THSD7A: variants seen among roughly 807,000 people sequenced by gnomAD.
THSD7A encodes thrombospondin type-1 domain-containing protein 7A.
THSD7A carries 96 observed loss-of-function variants against 231.3 expected under a neutral mutation model. That is an observed-to-expected ratio of 0.41 (90% CI 0.35 to 0.49). THSD7A has a LOEUF of 0.49. Ranked by LOEUF, THSD7A falls within the 20% of genes least tolerant of loss-of-function variation. The pLI is 0.05. For missense variants in THSD7A, 2,290 were observed against 2,070.2 expected (o/e 1.11, Z -2.06); for synonymous variants, 940 against 743.3 (o/e 1.26, Z -4.30).
chr7:11,600,705 T>C (rs943917670), intron 2 of THSD7A, among the ~76,000 whole-genome samples: 2 of 152,224 alleles, frequency 1.3e-5, no homozygotes, highest in Non-Finnish European at 2.9e-5. Context: ...AATGCACTGA[T>C]TCTTCTGCCT....
rs1405727947 is a variant in THSD7A, at chr7:11,373,654, A to G, written c.*2140T>C. On this transcript the variant is annotated 3_prime_UTR_variant, in exon 28 of 28. Coordinates refer to ENST00000423059, the MANE Select transcript of THSD7A (RefSeq NM_015204.3). ...GCATTTAGTTCTTATTGAAATACATACAAATATTTTCATTTTGGGGACAAT... is the reference window on the plus strand; with the variant it reads ...GCATTTAGTTCTTATTGAAATACATGCAAATATTTTCATTTTGGGGACAAT... 6.6e-6 allele frequency: 1 copy of G among 152,062 alleles called. No homozygotes were observed. The highest frequency in any genetic ancestry group is 1.5e-5 in the Non-Finnish European group (1 of 67,986). 9.4% of individuals were successfully genotyped at this position (152,062 alleles called of 1,614,324 possible). A position where few individuals can be genotyped will look rare whatever the true frequency, so the allele number is the denominator to read the frequency against.
At chr7:11,400,133 G>A (rs973974749) in intron 23 of THSD7A, among the ~76,000 whole-genome samples, 2 of 143,868 alleles carry the variant, frequency 1.4e-5, no homozygotes, top group African/African-American at 5.1e-5. Context: ...GACACAGGAA[G>A]GGGAACATCA....
chr7:11,478,333 C>A (rs545508116), intron 7 of THSD7A, among the ~76,000 whole-genome samples: 1 of 152,280 alleles, frequency 6.6e-6, no homozygotes, highest in Non-Finnish European at 1.5e-5. Context: ...TGTAGAGTCA[C>A]TCTTCTATCC....
rs553030554 is a variant in THSD7A, at chr7:11,677,584, C to CAAAAA, written c.191-40628_191-40624dup. On this transcript the variant is annotated intron_variant, in intron 1 of 27. Transcript: ENST00000423059. ...GAAGATTGACCAAGCAAATGGAAAGCAAAAAAAAAAAAAAAAAAAAAAAAA... is the reference window on the plus strand; with the variant it reads ...GAAGATTGACCAAGCAAATGGAAAGCAAAAAAAAAAAAAAAAAAAAAAAAAAAAAA... Among the ~76,000 whole-genome samples the CAAAAA allele has an allele frequency of 3.5e-3, 79 of 22,276 alleles. 8 individuals carry two copies. Among genetic ancestry groups the CAAAAA allele is most frequent in the East Asian group, 0.016 (5 of 316 alleles). 14.6% of individuals were successfully genotyped at this position (22,276 alleles called of 152,430 possible).
intron 1 of THSD7A, among the ~76,000 whole-genome samples, chr7:11,640,515 T>C (rs1346359561): frequency 2.6e-5 from 4 of 152,150 alleles, no homozygotes; most frequent in South Asian, 2.1e-4. Flanking sequence ...AGTGTAACCT[T>C]GAGAACCTCT....
rs894742669 is a variant in THSD7A at position 11,808,051 on chromosome 7, A to T, written c.190+23706T>A. On this transcript the variant is annotated intron_variant, in intron 1 of 27. Transcript: ENST00000423059. ...CAGAGGGCCTCTCACTGCACCACCC[A>T]TCTATACATTTTTCCATACACAACT... 2.0e-5 allele frequency among the ~76,000 whole-genome samples: 3 copies of T among 151,952 alleles called. 1 individual carries two copies. Among genetic ancestry groups the T allele is most frequent in the Admixed American group, 2.0e-4 (3 of 15,236 alleles).
intron 4 of THSD7A, among the ~76,000 whole-genome samples, chr7:11,567,917 C>T (rs1269971107): frequency 1.3e-5 from 2 of 152,108 alleles, no homozygotes; most frequent in Non-Finnish European, 2.9e-5. Context: ...TTTAAACTAT[C>T]TCACCTAATT....
intron 6 of THSD7A, among the ~76,000 whole-genome samples, chr7:11,483,236 A>C (rs1325931407): frequency 6.6e-6 from 1 of 152,196 alleles, no homozygotes; most frequent in African/African-American, 2.4e-5. Context: ...ATATGCTTTA[A>C]AAACAAGACA....
Position 11,541,421 on chromosome 7 carries a change from T to A in THSD7A, c.1820A>T (p.Asp607Val). Residue 607 changes from aspartate to valine, a missense_variant and splice_region_variant, in exon 6 of 28, where the codon GAT becomes GTT. Transcript: ENST00000423059. The stretch of plus-strand genomic sequence containing the variant: ...CATAATAGATACGTCTGTCTTACCA[T>A]CACTGTTGATGCACACAACCTCTTG... ...QVQEVVCINSDGEEVDRQLCR... is the reference protein window; with the variant it reads ...QVQEVVCINSVGEEVDRQLCR... 1.9e-6 allele frequency: 3 copies of A among 1,613,912 alleles called. No individual in the cohort carries two copies. The highest frequency in any genetic ancestry group is 2.5e-6 in the Non-Finnish European group (3 of 1,179,840).
At chr7:11,376,399 C>T (rs978868669) in intron 27 of THSD7A, among the ~76,000 whole-genome samples, 171 bp downstream of exon 27, 4 of 152,148 alleles carry the variant, frequency 2.6e-5, no homozygotes, top group South Asian at 4.2e-4. Flanking sequence ...TCTTTAGAAA[C>T]GAAATGGCTC....
intron 1 of THSD7A, among the ~76,000 whole-genome samples, chr7:11,655,380 G>A (rs188255996): frequency 6.6e-6 from 1 of 151,942 alleles, no homozygotes; most frequent in African/African-American, 2.4e-5. Context: ...TGCTGACTCT[G>A]TTGTTGGACA....
chr7:11,662,211 T>C (rs1782953466), intron 1 of THSD7A, among the ~76,000 whole-genome samples: 1 of 151,270 alleles, frequency 6.6e-6, no homozygotes, highest in South Asian at 2.1e-4. Context: ...AACCTAAATC[T>C]ATATATTGCT....
chr7:11,669,279 T>A (rs1219850409), intron 1 of THSD7A, among the ~76,000 whole-genome samples: 1 of 152,168 alleles, frequency 6.6e-6, no homozygotes, highest in East Asian at 1.9e-4. Flanking sequence ...TGTTTCTTAG[T>A]GTTAAAGAGA....
At chr7:11,573,549 A>C (rs905756872) in intron 4 of THSD7A, among the ~76,000 whole-genome samples, 1 of 152,188 alleles carries the variant, frequency 6.6e-6, no homozygotes, top group Non-Finnish European at 1.5e-5. Context: ...TTGTTGGCCA[A>C]TGACTAAAAA....
At chr7:11,768,742 C>T (rs528304843) in intron 1 of THSD7A, among the ~76,000 whole-genome samples, 3 of 151,982 alleles carry the variant, frequency 2.0e-5, no homozygotes, top group Admixed American at 6.6e-5. Context: ...ATTTATTCTA[C>T]GTTGTTAATT....
intron 6 of THSD7A, among the ~76,000 whole-genome samples, chr7:11,498,712 T>C (rs1031127126): frequency 6.6e-6 from 1 of 152,178 alleles, no homozygotes; most frequent in South Asian, 2.1e-4. Context: ...AGCCACTTCA[T>C]GCAGATGCCT....
At chr7:11,443,749 A>T (rs1051569582) in intron 13 of THSD7A, among the ~76,000 whole-genome samples, 1 of 152,060 alleles carries the variant, frequency 6.6e-6, no homozygotes, top group African/African-American at 2.4e-5. Context: ...AATATTATAC[A>T]TATTTATGGG....
chr7:11,530,904 G>A (rs1355100811), intron 6 of THSD7A, among the ~76,000 whole-genome samples: 2 of 152,042 alleles, frequency 1.3e-5, no homozygotes, highest in Admixed American at 6.6e-5. Flanking sequence ...CCAACTACTT[G>A]GGAGGCTGAG....
intron 13 of THSD7A, among the ~76,000 whole-genome samples, chr7:11,434,066 T>C (rs1784557803): frequency 6.6e-6 from 1 of 152,074 alleles, no homozygotes; most frequent in Non-Finnish European, 1.5e-5. Context: ...AAATCCTTAA[T>C]GCTACTAGTG....
Sources: gnomAD v4.1 joint callset for allele counts (sites outside exome capture counted in the v4.1 genomes callset) on GRCh38, gnomAD v4.1.1 for gene constraint, MANE v1.5 for transcripts, NCBI Gene and HGNC (gene_info 2026-07-23, HGNC 2026-07-21) for gene names.